RNF6: variants seen among roughly 807,000 people sequenced by gnomAD.
RNF6 encodes E3 ubiquitin-protein ligase RNF6.
Under a neutral mutation model 50.1 loss-of-function variants are expected in RNF6, and 21 were observed. The ratio of observed to expected loss-of-function variants is 0.42; its 90% confidence interval spans 0.30 to 0.60. The LOEUF (loss-of-function observed/expected upper bound fraction) is 0.60, where lower values mean the gene tolerates loss of function less well. Ranked by LOEUF, RNF6 falls within the 20% of genes least tolerant of loss-of-function variation. RNF6 has a pLI of 0.20. For missense variants in RNF6, 698 were observed against 838.2 expected (o/e 0.83, Z 2.07); for synonymous variants, 255 against 291.8 (o/e 0.87, Z 1.29).
intron 5 of RNF6, among the ~76,000 whole-genome samples, chr13:26,205,833 G>A (rs537372318): frequency 1.6e-4 from 24 of 152,198 alleles, no homozygotes; most frequent in African/African-American, 3.9e-4. Context: ...GTCACATGTC[G>A]AAACCCTGTC....
At chr13:26,156,173 G>A (rs1440268485) in intron 5 of RNF6, among the ~76,000 whole-genome samples, 3 of 152,212 alleles carry the variant, frequency 2.0e-5, no homozygotes, top group Non-Finnish European at 4.4e-5. Flanking sequence ...ATGTAGAGGA[G>A]GCAAATTAGA....
chr13:26,216,623 T>C (rs532661893), intron 4 of RNF6, among the ~76,000 whole-genome samples: 2 of 152,200 alleles, frequency 1.3e-5, no homozygotes, highest in East Asian at 1.9e-4. Context: ...ACACATTAAC[T>C]ACACAAACTT....
Position 26,214,456 on chromosome 13 carries a change from A to G in RNF6, c.1426T>C (p.Ser476Pro). The change falls in exon 5 of 5, where the codon TCA becomes CCA. Residue 476 changes from serine (S) to proline (P), a missense_variant. By Grantham distance (74) the Ser-to-Pro change is moderately conservative (BLOSUM62 -1). Transcript: ENST00000381588. ...RISENELVEP[S>P]SVALRSILRQ... is the part of the protein sequence containing the mutation. ...AAAATTGACCGAAGAGCCACTGATG[A>G]TGGCTCAACAAGCTCATTCTCAGAA... The G allele has an allele frequency of 6.2e-7, 1 of 1,614,178 alleles. No homozygotes were observed. The highest frequency in any genetic ancestry group is 8.5e-7 in the Non-Finnish European group (1 of 1,180,034).
Position 26,213,052 on chromosome 13 carries a change from C to A in RNF6, c.*772G>T, listed in dbSNP as rs1869421178. 6.6e-6 allele frequency: 1 copy of A among 152,516 alleles called. No homozygotes were observed. The highest frequency in any genetic ancestry group is 2.1e-4 in the South Asian group (1 of 4,822). 9.4% of individuals were successfully genotyped at this position (152,516 alleles called of 1,614,324 possible). A position where few individuals can be genotyped will look rare whatever the true frequency, so the allele number is the denominator to read the frequency against. On this transcript the variant is annotated 3_prime_UTR_variant, in exon 5 of 5. Coordinates refer to ENST00000381588, the MANE Select transcript of RNF6 (RefSeq NM_005977.4). ...AAAAGGCTGAACACAAGTTAAATAA[C>A]CTATATGATGTAAATTTTCCATTTC...
chr13:26,163,516 T>C, intron 5 of RNF6, among the ~76,000 whole-genome samples: 1 of 152,308 alleles, frequency 6.6e-6, no homozygotes, highest in East Asian at 1.9e-4. Context: ...CCTGTAAGTA[T>C]TTACATCTAA....
intron 5 of RNF6, among the ~76,000 whole-genome samples, chr13:26,198,093 G>A (rs1382583524): frequency 6.7e-6 from 1 of 149,122 alleles, no homozygotes; most frequent in African/African-American, 2.5e-5. Flanking sequence ...GAATATGTAT[G>A]TGTGTGTAGT....
At chr13:26,135,759 G>A (rs114391352) in intron 5 of RNF6, among the ~76,000 whole-genome samples, 1,772 of 152,274 alleles carry the variant, frequency 0.012, 32 homozygotes, top group African/African-American at 0.04. Context: ...AGGAGGTGGT[G>A]TTTGCATCAT....
chr13:26,175,912 A>G (rs762079702), intron 5 of RNF6, among the ~76,000 whole-genome samples: 3 of 152,012 alleles, frequency 2.0e-5, no homozygotes, highest in African/African-American at 7.3e-5. Context: ...AGTATGTTTG[A>G]CCAAAAAAAC....
At chr13:26,195,444 A>G (rs1868624147) in intron 5 of RNF6, among the ~76,000 whole-genome samples, 1 of 152,220 alleles carries the variant, frequency 6.6e-6, no homozygotes, top group Non-Finnish European at 1.5e-5. Context: ...ATTCCAGAAG[A>G]AGAAAAAGAG....
chr13:26,172,075 T>C (rs537963678), intron 5 of RNF6, among the ~76,000 whole-genome samples: 4 of 152,350 alleles, frequency 2.6e-5, no homozygotes, highest in African/African-American at 7.2e-5. Flanking sequence ...TTATGTAATG[T>C]CTTTTACCAC....
intron 5 of RNF6, among the ~76,000 whole-genome samples, chr13:26,139,823 T>A (rs1390856670): frequency 6.6e-6 from 1 of 152,162 alleles, no homozygotes; most frequent in African/African-American, 2.4e-5. Context: ...TTTTAAGATG[T>A]ATCTTACTTT....
At chr13:26,189,965 T>G (rs1868394073) in intron 5 of RNF6, among the ~76,000 whole-genome samples, 2 of 152,312 alleles carry the variant, frequency 1.3e-5, no homozygotes, top group African/African-American at 4.8e-5. Context: ...ATTTGATGGA[T>G]TAAAACACAC....
chr13:26,195,219 AT>A (rs1483825161), intron 5 of RNF6, among the ~76,000 whole-genome samples: 1 of 151,642 alleles, frequency 6.6e-6, no homozygotes, highest in Non-Finnish European at 1.5e-5. Context: ...AAGAATCAAA[AT>A]GAAATGCTAG....
At chr13:26,137,456 T>C (rs1870707941) in intron 5 of RNF6, among the ~76,000 whole-genome samples, 1 of 152,004 alleles carries the variant, frequency 6.6e-6, no homozygotes, top group South Asian at 2.1e-4. Context: ...AGTAAGTATC[T>C]TGCATCTTTC....
At chr13:26,174,145 C>CA (rs1468430678) in intron 5 of RNF6, among the ~76,000 whole-genome samples, 2 of 152,076 alleles carry the variant, frequency 1.3e-5, no homozygotes, top group African/African-American at 4.8e-5. Flanking sequence ...AGGTAAATTA[C>CA]ATATGAACTT....
chr13:26,167,208 T>C (rs1872494533), intron 5 of RNF6, among the ~76,000 whole-genome samples: 2 of 152,202 alleles, frequency 1.3e-5, no homozygotes, highest in South Asian at 4.1e-4. Context: ...ACTAATGGGA[T>C]CTAATTAAAC....
chr13:26,223,064 T>C (rs1039239357), upstream of RNF6, among the ~76,000 whole-genome samples: 1 of 152,220 alleles, frequency 6.6e-6, no homozygotes, highest in Non-Finnish European at 1.5e-5. Context: ...CCTGGTATAG[T>C]CCCCTTTCCT....
At chr13:26,218,682 C>CTT in intron 3 of RNF6, 76 bp from the exon 4 acceptor site, 2 of 1,058,504 alleles carry the variant, frequency 1.9e-6, no homozygotes, top group Non-Finnish European at 2.9e-6. Context: ...TAAGACTAAT[C>CTT]TTTAGTAACC....
At chr13:26,138,022 G>C (rs1224074872) in intron 5 of RNF6, among the ~76,000 whole-genome samples, 2 of 152,098 alleles carry the variant, frequency 1.3e-5, no homozygotes, top group East Asian at 3.9e-4. Context: ...GACTCCAAGT[G>C]GTATATACTC....
Sources: gnomAD v4.1 joint callset for allele counts (sites outside exome capture counted in the v4.1 genomes callset) on GRCh38, gnomAD v4.1.1 for gene constraint, MANE v1.5 for transcripts, NCBI Gene and HGNC (gene_info 2026-07-23, HGNC 2026-07-21) for gene names.